AUNIP: variants seen among roughly 807,000 people sequenced by gnomAD.
The protein encoded by AUNIP is aurora kinase A- and ninein-interacting protein.
A neutral mutation model predicts 12.2 loss-of-function variants in AUNIP; 16 were observed. The ratio of observed to expected loss-of-function variants is 1.31; its 90% CI spans 0.88 to 1.99. AUNIP has a LOEUF of 1.99. Ranked by LOEUF, AUNIP falls within the 30% of genes most tolerant of loss-of-function variation. The probability of loss-of-function intolerance (pLI) is 0.00; values close to 1 mark genes in which losing one functional copy is unlikely to be tolerated. For missense variants in AUNIP, 411 were observed against 419.1 expected (o/e 0.98, Z 0.17); for synonymous variants, 142 against 154.8 (o/e 0.92, Z 0.61).
rs1233499191 is a variant in AUNIP, at chr1:25,835,288, T to C, written c.779A>G (p.Glu260Gly). 1 of 1,612,606 alleles carries C rather than the reference T, an allele frequency of 6.2e-7. No homozygotes were observed. The highest frequency in any genetic ancestry group is 8.5e-7 in the Non-Finnish European group (1 of 1,178,798). Residue 260 changes from glutamate (E) to glycine (G), a missense_variant, in exon 3 of 3, where the codon GAA becomes GGA. Coordinates refer to ENST00000374298, the MANE Select transcript of AUNIP (RefSeq NM_024037.3). ...TGGACTACGGCTTTGTTTCACTGATTCTATGTTTTCTCCATTCCAGGATTC... is the reference window on the plus strand; with the variant it reads ...TGGACTACGGCTTTGTTTCACTGATCCTATGTTTTCTCCATTCCAGGATTC... Reference protein sequence around the residue: ...YRESWNGENIESVKQSRSPVS... With the variant: ...YRESWNGENIGSVKQSRSPVS...
At chr1:25,853,144 G>C (rs747054966) in intron 1 of AUNIP, among the ~76,000 whole-genome samples, 4 of 152,124 alleles carry the variant, frequency 2.6e-5, no homozygotes, top group Admixed American at 6.5e-5. Flanking sequence ...AGGTCTACCT[G>C]GTTTATAGTA....
At chr1:25,852,379 C>T (rs1414251736) in intron 1 of AUNIP, among the ~76,000 whole-genome samples, 1 of 151,182 alleles carries the variant, frequency 6.6e-6, no homozygotes, top group Admixed American at 6.6e-5. Flanking sequence ...TTCCTTCCTT[C>T]TGGTCACTAT....
At chr1:25,844,533 C>T (rs1469239429) in intron 1 of AUNIP, among the ~76,000 whole-genome samples, 1 of 152,100 alleles carries the variant, frequency 6.6e-6, no homozygotes, top group Non-Finnish European at 1.5e-5. Context: ...CTTATTTTAT[C>T]TTTTAACTCT....
chr1:25,844,312 G>A (rs1343621395), intron 1 of AUNIP, among the ~76,000 whole-genome samples: 1 of 152,126 alleles, frequency 6.6e-6, no homozygotes, highest in Non-Finnish European at 1.5e-5. Context: ...TCACCATGTT[G>A]GCCAGAATGG....
chr1:25,835,944 T>C, intron 2 of AUNIP, 98 bp from the exon 3 acceptor site: 1 of 1,502,112 alleles, frequency 6.7e-7, no homozygotes, highest in Non-Finnish European at 8.9e-7. Flanking sequence ...CTACTATTAC[T>C]ACCTAGTGCA....
chr1:25,857,634 G>A (rs1376354145), intron 1 of AUNIP, among the ~76,000 whole-genome samples: 3 of 151,694 alleles, frequency 2.0e-5, no homozygotes, highest in Non-Finnish European at 2.9e-5. Flanking sequence ...AGGCCGAGAC[G>A]GGCGGATCAC....
At chr1:25,859,191 T>C in intron 1 of AUNIP, 89 bp downstream of exon 1, 2 of 1,363,802 alleles carry the variant, frequency 1.5e-6, no homozygotes, top group South Asian at 2.6e-5. Context: ...TTCGCTTTCA[T>C]CATCTCCAGG....
At chr1:25,853,620 A>C (rs573550591) in intron 1 of AUNIP, among the ~76,000 whole-genome samples, 1 of 149,860 alleles carries the variant, frequency 6.7e-6, no homozygotes, top group Non-Finnish European at 1.5e-5. Context: ...AAACAAAAAC[A>C]AAACAAAAAA....
At chr1:25,844,210 G>A (rs909979968) in intron 1 of AUNIP, among the ~76,000 whole-genome samples, 4 of 152,124 alleles carry the variant, frequency 2.6e-5, no homozygotes, top group East Asian at 1.9e-4. Flanking sequence ...GGGTTCAAGC[G>A]ATTCTCCTGC....
rs2124492776 is a variant in AUNIP, at chr1:25,834,664, A to G, written c.*329T>C. The G allele has an allele frequency of 1.9e-6, 2 of 1,064,138 alleles. No homozygotes were observed. Among genetic ancestry groups the G allele is most frequent in the Non-Finnish European group, 2.3e-6 (2 of 880,328 alleles). 65.9% of individuals were successfully genotyped at this position (1,064,138 alleles called of 1,614,324 possible). A position where few individuals can be genotyped will look rare whatever the true frequency, so the allele number is the denominator to read the frequency against. ...TCCATAAGCAAGGTCCCAGTCAGAC[A>G]TCTGGAAGGGCAAAGAGATGGCTCT... On this transcript the variant is annotated 3_prime_UTR_variant, in exon 3 of 3. Coordinates refer to ENST00000374298, the MANE Select transcript of AUNIP (RefSeq NM_024037.3).
At chr1:25,842,066 T>G (rs1243140768) in intron 1 of AUNIP, among the ~76,000 whole-genome samples, 1 of 152,138 alleles carries the variant, frequency 6.6e-6, no homozygotes, top group East Asian at 1.9e-4. Context: ...GTCTCTCACT[T>G]TAAATCAAAA....
intron 2 of AUNIP, among the ~76,000 whole-genome samples, chr1:25,836,107 C>T (rs984718370): frequency 1.3e-5 from 2 of 152,200 alleles, no homozygotes; most frequent in African/African-American, 4.8e-5. Context: ...AGTCAAACAT[C>T]GCATACGATC....
chr1:25,850,888 T>C (rs1350373378), intron 1 of AUNIP, among the ~76,000 whole-genome samples: 2 of 152,234 alleles, frequency 1.3e-5, no homozygotes, highest in African/African-American at 4.8e-5. Context: ...TATTTCTTTT[T>C]CTTGCTAAAT....
chr1:25,856,734 T>C (rs186485048), intron 1 of AUNIP, among the ~76,000 whole-genome samples: 15 of 152,252 alleles, frequency 9.9e-5, no homozygotes, highest in African/African-American at 2.4e-4. Context: ...GAGACAAATA[T>C]TGGCTCTCCT....
chr1:25,833,218 G>A (rs1476278539), downstream of AUNIP, among the ~76,000 whole-genome samples: 1 of 151,936 alleles, frequency 6.6e-6, no homozygotes, highest in Non-Finnish European at 1.5e-5. Flanking sequence ...GGGCTCAAGT[G>A]AGCCTCCCAC....
At chr1:25,843,896 C>A in intron 1 of AUNIP, among the ~76,000 whole-genome samples, 1 of 152,016 alleles carries the variant, frequency 6.6e-6, no homozygotes. Flanking sequence ...ATGGAGTCTA[C>A]TCCTGGTGAG....
At position 25,859,437 on chromosome 1, in the gene AUNIP, A is replaced by C. The variant is rs139437657; in HGVS notation, c.-80T>G. The C allele has an allele frequency of 1.6e-5, 21 of 1,312,218 alleles. No homozygotes were observed. Among genetic ancestry groups the C allele is most frequent in the Non-Finnish European group, 2.1e-5 (21 of 1,003,604 alleles). The allele number at this position is 1,312,218 out of a possible 1,614,324, so 81.3% of individuals were successfully genotyped here. The stretch of plus-strand genomic sequence containing the variant: ...GGGAACGCCAGAACCGCGGCCGCCG[A>C]CGTTCGGATCTCGCGCCAACGCTGG... On this transcript the variant is annotated 5_prime_UTR_variant, in exon 1 of 3. Transcript: ENST00000374298.
chr1:25,850,312 A>G (rs1553124270), intron 1 of AUNIP, among the ~76,000 whole-genome samples: 1 of 152,206 alleles, frequency 6.6e-6, no homozygotes, highest in Non-Finnish European at 1.5e-5. Flanking sequence ...CCTTTATGAC[A>G]GTATCAAACC....
At position 25,837,525 on chromosome 1, in the gene AUNIP, C is replaced by G. The variant is rs754846546; in HGVS notation, c.108G>C (p.Met36Ile). ...TTCTTTCTCCAGGAAGGAGTGTTAG[C>G]ATTTTGGTGCCTGGTTTGATTAAAT... is the stretch of plus-strand genomic sequence containing the variant. ...QTHLIKPGTK[M>I]LTLLPGERKA... is the part of the protein sequence containing the mutation. Residue 36 changes from methionine (M) to isoleucine (I), a missense_variant, in exon 2 of 3, where the codon ATG (methionine) becomes ATC (isoleucine). Coordinates refer to ENST00000374298, the MANE Select transcript of AUNIP (RefSeq NM_024037.3). 1.2e-6 allele frequency: 2 copies of G among 1,613,556 alleles called. No individual in the cohort carries two copies. Among genetic ancestry groups the G allele is most frequent in the Non-Finnish European group, 1.7e-6 (2 of 1,179,708 alleles).
Sources: allele counts gnomAD v4.1 joint callset (sites outside exome capture counted in the v4.1 genomes callset), GRCh38; gene constraint gnomAD v4.1.1; transcripts MANE v1.5; gene names NCBI Gene and HGNC (gene_info 2026-07-23, HGNC 2026-07-21).